Variants in DLGAP2 observed in about 807,000 individuals in gnomAD.
DLGAP2 encodes DLG associated protein 2.
A neutral mutation model predicts 100.3 loss-of-function variants in DLGAP2; 26 were observed. The observed-to-expected ratio is 0.26, with a 90% CI of 0.19 to 0.36. The LOEUF (loss-of-function observed/expected upper bound fraction) is 0.36, where lower values mean the gene tolerates loss of function less well. Among genes scored for constraint, DLGAP2 ranks in the 10% least tolerant of loss-of-function variants. The probability of loss-of-function intolerance (pLI) is 1.00; values close to 1 mark genes in which losing one functional copy is unlikely to be tolerated. For missense variants in DLGAP2, 1,858 were observed against 1,453.2 expected, an observed-to-expected ratio of 1.28 and a Z score of -4.53; for synonymous variants, 886 against 630.1, an observed-to-expected ratio of 1.41 and a Z score of -6.08.
intron 1 of DLGAP2, among the ~76,000 whole-genome samples, chr8:773,248 C>T (rs966876093): frequency 2.6e-5 from 4 of 151,958 alleles, no homozygotes; most frequent in African/African-American, 9.7e-5. Flanking sequence ...TTCACATGGT[C>T]TCTGGTGTCT....
intron 2 of DLGAP2, among the ~76,000 whole-genome samples, chr8:1,211,570 A>ATC (rs1798104714): frequency 6.6e-6 from 1 of 152,246 alleles, no homozygotes; most frequent in East Asian, 1.9e-4. Flanking sequence ...ACATCACCGT[A>ATC]TCCATTAATC....
At chr8:1,238,624 G>T (rs140645297) in intron 2 of DLGAP2, among the ~76,000 whole-genome samples, 7,703 of 97,400 alleles carry the variant, frequency 0.079, 976 homozygotes, top group African/African-American at 0.24. Context: ...TCTCTCACAT[G>T]GCGCCATGTC....
chr8:1,566,790 C>A (rs1413273539), intron 6 of DLGAP2, among the ~76,000 whole-genome samples: 1 of 152,246 alleles, frequency 6.6e-6, no homozygotes, highest in Non-Finnish European at 1.5e-5. Flanking sequence ...TCTAGTTATT[C>A]ATCGCTGTTG....
intron 1 of DLGAP2, among the ~76,000 whole-genome samples, chr8:880,966 T>G (rs1797778756): frequency 6.6e-6 from 1 of 152,250 alleles, no homozygotes; most frequent in Non-Finnish European, 1.5e-5. Context: ...CAGCCAACTT[T>G]CTATCTCCAG....
intron 3 of DLGAP2, among the ~76,000 whole-genome samples, chr8:1,314,203 A>G (rs746218031): frequency 9.9e-5 from 15 of 152,202 alleles, no homozygotes; most frequent in Non-Finnish European, 1.9e-4. Flanking sequence ...ATTTCATAGC[A>G]GCACAGACGT....
intron 1 of DLGAP2, among the ~76,000 whole-genome samples, chr8:750,805 A>G (rs1820770245): frequency 6.6e-6 from 1 of 152,220 alleles, no homozygotes; most frequent in Non-Finnish European, 1.5e-5. Flanking sequence ...TAGATTCCCT[A>G]TTTCAAAAGG....
chr8:785,878 C>T (rs72507620), intron 1 of DLGAP2, among the ~76,000 whole-genome samples: 1,463 of 115,746 alleles, frequency 0.013, 79 homozygotes, highest in East Asian at 0.031. Flanking sequence ...TCCCTCCTCC[C>T]TCACCCGCTG....
At chr8:789,269 G>A (rs1338251059) in intron 1 of DLGAP2, among the ~76,000 whole-genome samples, 1 of 152,222 alleles carries the variant, frequency 6.6e-6, no homozygotes, top group Non-Finnish European at 1.5e-5. Flanking sequence ...TTTGCGGGAA[G>A]CATGGCTGGG....
intron 1 of DLGAP2, among the ~76,000 whole-genome samples, chr8:893,951 T>G (rs924816404): frequency 6.6e-6 from 1 of 152,230 alleles, no homozygotes; most frequent in Non-Finnish European, 1.5e-5. Flanking sequence ...TCCGAGTAGC[T>G]CAGCCTTCTC....
At chr8:942,028 T>A (rs954122044) in intron 2 of DLGAP2, among the ~76,000 whole-genome samples, 1 of 152,154 alleles carries the variant, frequency 6.6e-6, no homozygotes, top group African/African-American at 2.4e-5. Context: ...GGGCTCTCTG[T>A]TGTCCAGGCT....
chr8:1,135,217 G>C (rs1387028974), intron 2 of DLGAP2, among the ~76,000 whole-genome samples: 2 of 151,880 alleles, frequency 1.3e-5, no homozygotes, highest in Non-Finnish European at 2.9e-5. Flanking sequence ...TTTTTGTTTT[G>C]TTTTTGCTTT....
chr8:1,540,551 C>G (rs981472272), intron 4 of DLGAP2, among the ~76,000 whole-genome samples: 2 of 152,216 alleles, frequency 1.3e-5, no homozygotes, highest in African/African-American at 4.8e-5. Context: ...AAAACACCCA[C>G]CTAGTGACCA....
intron 12 of DLGAP2, among the ~76,000 whole-genome samples, chr8:1,688,067 C>T (rs1799159478): frequency 6.6e-6 from 1 of 152,174 alleles, no homozygotes; most frequent in South Asian, 2.1e-4. Flanking sequence ...TTCACTGTCA[C>T]CCCTGTCAAG....
chr8:1,196,415 G>C (rs1464807506), intron 2 of DLGAP2, among the ~76,000 whole-genome samples: 2 of 152,194 alleles, frequency 1.3e-5, no homozygotes, highest in South Asian at 2.1e-4. Context: ...AGATAGGTGT[G>C]TGATGTTAAT....
At chr8:1,254,448 T>G (rs78057119) in intron 2 of DLGAP2, among the ~76,000 whole-genome samples, 3,335 of 152,254 alleles carry the variant, frequency 0.022, 134 homozygotes, top group African/African-American at 0.077. Flanking sequence ...CTTGATTAAA[T>G]AAGATGCAAT....
chr8:787,676 C>G (rs1258067792), intron 1 of DLGAP2, among the ~76,000 whole-genome samples: 2 of 152,204 alleles, frequency 1.3e-5, no homozygotes, highest in Non-Finnish European at 2.9e-5. Context: ...CTCCGGGCCC[C>G]CTTGCCAAAT....
At chr8:1,030,331 C>G (rs1338443269) in intron 2 of DLGAP2, among the ~76,000 whole-genome samples, 1 of 152,094 alleles carries the variant, frequency 6.6e-6, no homozygotes, top group Non-Finnish European at 1.5e-5. Flanking sequence ...TTGTGAAACT[C>G]TTTGTGTATT....
At chr8:1,313,468 T>G (rs1800658771) in intron 3 of DLGAP2, among the ~76,000 whole-genome samples, 1 of 152,094 alleles carries the variant, frequency 6.6e-6, no homozygotes, top group Admixed American at 6.5e-5. Flanking sequence ...CTCCCCCCCT[T>G]AATTATGGAG....
chr8:904,047 T>C (rs946065515), intron 1 of DLGAP2, among the ~76,000 whole-genome samples: 1 of 152,148 alleles, frequency 6.6e-6, no homozygotes. Flanking sequence ...GAGAGGACGC[T>C]GGTGGGGTGT....
Sources: allele counts gnomAD v4.1 joint callset (sites outside exome capture counted in the v4.1 genomes callset), GRCh38; gene constraint gnomAD v4.1.1; transcripts MANE v1.5; gene names NCBI Gene and HGNC (gene_info 2026-07-23, HGNC 2026-07-21).